The following PGM2L1 variants were observed in gnomAD, a reference collection of about 807,000 sequenced individuals.
PGM2L1 encodes phosphoglucomutase 2 like 1.
PGM2L1 carries 35 observed loss-of-function variants against 73.4 expected under a neutral mutation model. That is an observed-to-expected ratio of 0.48 (90% confidence interval 0.36 to 0.63). PGM2L1 has a LOEUF of 0.63. Ranked by LOEUF, PGM2L1 falls within the 30% of genes least tolerant of loss-of-function variation. PGM2L1 has a pLI of 0.00. For synonymous variants in PGM2L1, 225 were observed against 253.8 expected, an observed-to-expected ratio of 0.89 and a Z score of 1.08; for missense variants, 570 against 742.0, an observed-to-expected ratio of 0.77 and a Z score of 2.69.
chr11:74,350,212 G>C (rs924757685), intron 6 of PGM2L1, among the ~76,000 whole-genome samples: 1 of 152,164 alleles, frequency 6.6e-6, no homozygotes, highest in African/African-American at 2.4e-5. Context: ...TTGACAGCTT[G>C]ATGGGTATAC....
At chr11:74,396,847 AT>A (rs1466910053) in intron 1 of PGM2L1, among the ~76,000 whole-genome samples, 4 of 152,222 alleles carry the variant, frequency 2.6e-5, no homozygotes, top group Non-Finnish European at 5.9e-5. Context: ...TAGAGGAAGA[AT>A]TATTCGTCCA....
At chr11:74,358,884 A>G (rs1862505314) in intron 5 of PGM2L1, among the ~76,000 whole-genome samples, 1 of 152,146 alleles carries the variant, frequency 6.6e-6, no homozygotes, top group Non-Finnish European at 1.5e-5. Context: ...GTGAGGCTCC[A>G]TCTCAAAAAA....
At position 74,343,378 on chromosome 11, in the gene PGM2L1, T is replaced by C. The variant is rs1237961508; in HGVS notation, c.1257A>G (p.Ile419Met). ...LPGFKWIGSRIIDLLENGKEV... is the reference protein window; with the variant it reads ...LPGFKWIGSRMIDLLENGKEV... ...CTTTCCCATTTTCCAGGAGGTCTATTATCCTACTTCCAATCCATTTAAAAC... is the reference window on the plus strand; with the variant it reads ...CTTTCCCATTTTCCAGGAGGTCTATCATCCTACTTCCAATCCATTTAAAAC... The change falls in exon 10 of 14, where the codon ATA becomes ATG. Residue 419 changes from isoleucine to methionine, a missense_variant. Ile to Met is a conservative substitution (Grantham distance 10, BLOSUM62 1). Transcript: ENST00000298198. 1 of 1,611,760 alleles carries C rather than the reference T, an allele frequency of 6.2e-7. No homozygotes were observed. Among genetic ancestry groups the C allele is most frequent in the Non-Finnish European group, 8.5e-7 (1 of 1,179,402 alleles).
In PGM2L1 at chr11:74,331,950, T is replaced by C. The variant is rs1338297204; in HGVS notation, c.*4702A>G. 5 of 152,204 alleles carry C rather than the reference T, an allele frequency of 3.3e-5. No homozygotes were observed. The highest frequency in any genetic ancestry group is 7.3e-5 in the Non-Finnish European group (5 of 68,050). 9.4% of individuals were successfully genotyped at this position (152,204 alleles called of 1,614,324 possible). On this transcript the variant is annotated 3_prime_UTR_variant, in exon 14 of 14. Coordinates refer to ENST00000298198, the MANE Select transcript of PGM2L1 (RefSeq NM_173582.6). ...CTACACATTCTTATAGGTTCTCTTT[T>C]ATAAGTACATAGTCTTGAATAAACA...
chr11:74,353,817 G>A (rs1187477483), intron 5 of PGM2L1, among the ~76,000 whole-genome samples: 2 of 4,240 alleles, frequency 4.7e-4, no homozygotes, highest in South Asian at 7.0e-3. Flanking sequence ...AACCGCCATC[G>A]CCATCATGGC....
At chr11:74,384,454 T>C (rs1862992623) in intron 1 of PGM2L1, among the ~76,000 whole-genome samples, 1 of 152,106 alleles carries the variant, frequency 6.6e-6, no homozygotes, top group African/African-American at 2.4e-5. Flanking sequence ...TTGATAAATA[T>C]AGGAGCCCTT....
At chr11:74,380,615 C>A (rs1862928222) in intron 1 of PGM2L1, among the ~76,000 whole-genome samples, 1 of 151,704 alleles carries the variant, frequency 6.6e-6, no homozygotes, top group Non-Finnish European at 1.5e-5. Context: ...ATTAGATATA[C>A]CAAATTAGTG....
intron 12 of PGM2L1, among the ~76,000 whole-genome samples, chr11:74,339,292 T>C (rs1862147397): frequency 6.6e-6 from 1 of 152,148 alleles, no homozygotes; most frequent in Admixed American, 6.5e-5. Context: ...CTATTTTTTA[T>C]AAAAATTAAA....
intron 1 of PGM2L1, among the ~76,000 whole-genome samples, chr11:74,376,115 G>C (rs1056437654): frequency 6.6e-6 from 1 of 152,180 alleles, no homozygotes; most frequent in East Asian, 1.9e-4. Context: ...ATGCCTTTTG[G>C]CCCATAGATT....
At chr11:74,360,167 C>T (rs1292458952) in intron 5 of PGM2L1, among the ~76,000 whole-genome samples, 1 of 151,836 alleles carries the variant, frequency 6.6e-6, no homozygotes, top group Non-Finnish European at 1.5e-5. Context: ...AAGGTTGAAG[C>T]TGCAGTGAGC....
At chr11:74,357,273 C>T (rs924816756) in intron 5 of PGM2L1, among the ~76,000 whole-genome samples, 2 of 152,146 alleles carry the variant, frequency 1.3e-5, no homozygotes, top group African/African-American at 2.4e-5. Flanking sequence ...AATAAAAAGA[C>T]ATGCCAGACT....
chr11:74,344,200 T>C (rs1862228821), intron 9 of PGM2L1, among the ~76,000 whole-genome samples: 1 of 152,156 alleles, frequency 6.6e-6, no homozygotes, highest in Admixed American at 6.5e-5. Context: ...AGTTTCTGCT[T>C]CTCAGAAACT....
In PGM2L1 at chr11:74,346,702, G is replaced by A. The variant is rs370514214; in HGVS notation, c.1037+30C>T. On this transcript the variant is annotated intron_variant, in intron 8 of 13. Coordinates refer to ENST00000298198, the MANE Select transcript of PGM2L1 (RefSeq NM_173582.6). Reference sequence around the variant, plus strand: ...AAATACATTGCTTTTCAAAGTTCAAGCTTTTAATCAAATAACAGATTCTAC... The same window carrying A: ...AAATACATTGCTTTTCAAAGTTCAAACTTTTAATCAAATAACAGATTCTAC... The A allele has an allele frequency of 8.6e-5, 133 of 1,542,898 alleles. 2 individuals carry two copies. The highest frequency in any genetic ancestry group is 7.1e-4 in the South Asian group (63 of 89,170).
chr11:74,390,086 T>C (rs918265434), intron 1 of PGM2L1, among the ~76,000 whole-genome samples: 1 of 138,794 alleles, frequency 7.2e-6, no homozygotes, highest in Non-Finnish European at 1.5e-5. Flanking sequence ...GCCACTGCAC[T>C]CCAGCCTGGG....
Position 74,360,293 on chromosome 11 carries a change from G to A in PGM2L1, c.555+8199C>T, listed in dbSNP as rs141954073. On this transcript the variant is annotated intron_variant, in intron 5 of 13. Transcript: ENST00000298198. ...AAAGAGAAGGAAGGAAGGGAGGGAG[G>A]TAGGGAGGGAGGTAGGGACGGAGGG... is the stretch of plus-strand genomic sequence containing the variant. Among the ~76,000 whole-genome samples, 244 of 150,720 alleles carry A rather than the reference G, an allele frequency of 1.6e-3. 1 individual carries two copies. The highest frequency in any genetic ancestry group is 5.6e-3 in the African/African-American group (230 of 41,100).
chr11:74,389,947 CAAAAAAA>C lies in PGM2L1; in HGVS notation c.111+8097_111+8103del, dbSNP rs71065078. Among the ~76,000 whole-genome samples, 40 of 38,578 alleles carry C rather than the reference CAAAAAAA, an allele frequency of 1.0e-3. 1 individual carries two copies. The highest frequency in any genetic ancestry group is 4.1e-3 in the African/African-American group (36 of 8,720). The allele number at this position is 38,578 out of a possible 152,430, so 25.3% of individuals were successfully genotyped here. A position where few individuals can be genotyped will look rare whatever the true frequency, so the allele number is the denominator to read the frequency against. The stretch of plus-strand genomic sequence containing the variant: ...TGAAACCCCGTCCCTACTAAAAATA[CAAAAAAA>C]AAAAAAAAAAAAAAATTAGCCAGGC... On this transcript the variant is annotated intron_variant, in intron 1 of 13. Transcript: ENST00000298198.
intron 6 of PGM2L1, 43 bp downstream of exon 6, chr11:74,351,340 C>A (rs56760165): frequency 1.9e-5 from 29 of 1,519,430 alleles, no homozygotes; most frequent in Non-Finnish European, 2.6e-5. Context: ...CATTCTTTAA[C>A]GTTATTCTGA....
chr11:74,363,095 C>A (rs1862592516), intron 5 of PGM2L1, among the ~76,000 whole-genome samples: 1 of 152,104 alleles, frequency 6.6e-6, no homozygotes, highest in African/African-American at 2.4e-5. Context: ...CACTCAAAAC[C>A]ACTCAACTAC....
intron 9 of PGM2L1, among the ~76,000 whole-genome samples, chr11:74,343,958 G>A (rs1489485370): frequency 6.6e-6 from 1 of 151,696 alleles, no homozygotes; most frequent in African/African-American, 2.4e-5. Flanking sequence ...TGTATTTTTA[G>A]TAGAGACGGG....
Sources: allele counts gnomAD v4.1 joint callset (sites outside exome capture counted in the v4.1 genomes callset), GRCh38; gene constraint gnomAD v4.1.1; transcripts MANE v1.5; gene names NCBI Gene and HGNC (gene_info 2026-07-23, HGNC 2026-07-21).